CDR2: variants seen among roughly 807,000 people sequenced by gnomAD.
CDR2 encodes cerebellar degeneration related protein 2, also known as cerebellar degeneration-related protein 2.
Under a neutral mutation model 48.4 loss-of-function variants are expected in CDR2, and 34 were observed. The observed-to-expected ratio is 0.70, with a 90% CI of 0.53 to 0.94. CDR2 has a LOEUF of 0.94. Ranked by LOEUF, CDR2 falls within the 40% of genes least tolerant of loss-of-function variation. The pLI, the probability that CDR2 is intolerant of heterozygous loss-of-function variation, is 0.00. For missense variants in CDR2, 498 were observed against 549.5 expected (o/e 0.91, Z 0.94); for synonymous variants, 240 against 219.7 (o/e 1.09, Z -0.82).
intron 1 of CDR2, among the ~76,000 whole-genome samples, chr16:22,371,473 A>C (rs1048652733): frequency 3.3e-5 from 5 of 152,228 alleles, no homozygotes; most frequent in Non-Finnish European, 4.4e-5. Context: ...TTCCTGGAAC[A>C]TTCACTCTAT....
chr16:22,373,476 T>G (rs1316387770), intron 1 of CDR2, among the ~76,000 whole-genome samples: 1 of 152,190 alleles, frequency 6.6e-6, no homozygotes, highest in Non-Finnish European at 1.5e-5. Context: ...CTTCTGAGTG[T>G]GTGGGTTCAA....
At chr16:22,352,325 A>C (rs1200394258) in intron 2 of CDR2, among the ~76,000 whole-genome samples, 1 of 152,096 alleles carries the variant, frequency 6.6e-6, no homozygotes, top group Admixed American at 6.5e-5. Flanking sequence ...CAATGGGCTA[A>C]ATGACACTCA....
Position 22,349,697 on chromosome 16 carries a change from T to C in CDR2, c.341+4A>G. ...CCTTCCTTGTCAGATTCTAGAAAAT[T>C]TACCTCAGAATCTTTTGCTGTGAGG... On this transcript the variant is annotated splice_donor_region_variant and intron_variant, in intron 3 of 4. Transcript: ENST00000268383. 1 of 1,613,682 alleles carries C rather than the reference T, an allele frequency of 6.2e-7. No individual in the cohort carries two copies. Among genetic ancestry groups the C allele is most frequent in the Non-Finnish European group, 8.5e-7 (1 of 1,179,784 alleles).
chr16:22,347,782 G>A lies in CDR2; in HGVS notation c.548C>T (p.Ser183Phe). 1 of 1,613,834 alleles carries A rather than the reference G, an allele frequency of 6.2e-7. No individual in the cohort carries two copies. Among genetic ancestry groups the A allele is most frequent in the Non-Finnish European group, 8.5e-7 (1 of 1,180,002 alleles). ...YDHVFAEKIT[S>F]LQGQPSPDEE... ...ATCAGGGCTTGGCTGACCTTGCAAG[G>A]AAGTGATCTTCTCAGCGAACACATG... The change falls in exon 5 of 5, where the codon TCC (serine) becomes TTC (phenylalanine). Residue 183 changes from serine to phenylalanine, a missense_variant. Ser to Phe is a radical substitution (Grantham distance 155). Transcript: ENST00000268383.
intron 2 of CDR2, among the ~76,000 whole-genome samples, chr16:22,356,562 G>A (rs1567345955): frequency 6.6e-6 from 1 of 152,148 alleles, no homozygotes. Flanking sequence ...AGACCAGCCT[G>A]GCCAACATGG....
intron 2 of CDR2, among the ~76,000 whole-genome samples, chr16:22,350,600 C>A (rs143608335): frequency 1.3e-5 from 2 of 152,210 alleles, no homozygotes; most frequent in East Asian, 3.9e-4. Context: ...TACCACAATA[C>A]CATATGTTTA....
At position 22,346,615 on chromosome 16, in the gene CDR2, G is replaced by A. The variant is rs2048906473; in HGVS notation, c.*350C>T. 4.4e-6 allele frequency: 1 copy of A among 225,162 alleles called. No individual in the cohort carries two copies. Among genetic ancestry groups the A allele is most frequent in the African/African-American group, 2.3e-5 (1 of 44,202 alleles). 13.9% of individuals were successfully genotyped at this position (225,162 alleles called of 1,614,324 possible). On this transcript the variant is annotated 3_prime_UTR_variant, in exon 5 of 5. Coordinates refer to ENST00000268383, the MANE Select transcript of CDR2 (RefSeq NM_001802.2). ...CAAGGAAGCAATAGGAATTGCCTTA[G>A]CTTTGTTCTAACTCGACCCTTTTCC...
intron 1 of CDR2, among the ~76,000 whole-genome samples, chr16:22,371,732 T>C (rs1258592169): frequency 6.6e-6 from 1 of 152,224 alleles, no homozygotes; most frequent in East Asian, 1.9e-4. Context: ...TCACATCTTC[T>C]ACTCGTACTC....
intron 1 of CDR2, among the ~76,000 whole-genome samples, chr16:22,367,598 C>T (rs573959291): frequency 6.6e-6 from 1 of 152,220 alleles, no homozygotes; most frequent in East Asian, 1.9e-4. Flanking sequence ...CAAGGAAACT[C>T]ACTACATAAT....
chr16:22,368,834 G>A (rs763452439), intron 1 of CDR2: 1 of 152,214 alleles, frequency 6.6e-6, no homozygotes, highest in Non-Finnish European at 1.5e-5. Context: ...AGAAATTAGA[G>A]TTCAACTATT....
At chr16:22,370,606 T>A (rs1567350905) in intron 1 of CDR2, among the ~76,000 whole-genome samples, 1 of 152,156 alleles carries the variant, frequency 6.6e-6, no homozygotes, top group Non-Finnish European at 1.5e-5. Context: ...GAAAAGATCT[T>A]ACCCACAGAG....
rs1737261034 is a variant in CDR2, at chr16:22,374,429, C to A, written c.-120G>T. On this transcript the variant is annotated 5_prime_UTR_variant, in exon 1 of 5. Transcript: ENST00000268383. The stretch of plus-strand genomic sequence containing the variant: ...GCCGCCCTCGGGCGGGACGCGCCGC[C>A]GCCCAGACTCCGCTGCGCCGCCTCA... The A allele has an allele frequency of 2.3e-6, 1 of 443,248 alleles. No individual in the cohort carries two copies. The highest frequency in any genetic ancestry group is 3.7e-6 in the Non-Finnish European group (1 of 270,844). The allele number at this position is 443,248 out of a possible 1,614,324, so 27.5% of individuals were successfully genotyped here.
intron 1 of CDR2, 99 bp downstream of exon 1, chr16:22,374,132 G>T (rs2049100192): frequency 2.7e-6 from 2 of 749,746 alleles, no homozygotes; most frequent in South Asian, 1.6e-5. Context: ...CCCGGCACCT[G>T]CATCCTCCGC....
chr16:22,366,781 C>G (rs1296374286), intron 1 of CDR2, among the ~76,000 whole-genome samples: 4 of 152,092 alleles, frequency 2.6e-5, no homozygotes, highest in African/African-American at 9.7e-5. Flanking sequence ...ACTCCGGCTG[C>G]TGTTATACAG....
intron 2 of CDR2, among the ~76,000 whole-genome samples, chr16:22,364,394 A>G (rs886303807): frequency 6.6e-6 from 1 of 151,284 alleles, no homozygotes; most frequent in Admixed American, 6.6e-5. Context: ...TTTTTTTTCA[A>G]ATTTAGGATA....
intron 2 of CDR2, among the ~76,000 whole-genome samples, chr16:22,359,714 C>A (rs909575213): frequency 1.4e-4 from 22 of 152,174 alleles, no homozygotes. Flanking sequence ...AAACCTGAAT[C>A]TCCTAAAACA....
At chr16:22,361,724 GTAAT>G (rs2049011477) in intron 2 of CDR2, among the ~76,000 whole-genome samples, 1 of 152,096 alleles carries the variant, frequency 6.6e-6, no homozygotes, top group Non-Finnish European at 1.5e-5. Context: ...ACCTAAGAGA[GTAAT>G]TATTCTTAGC....
chr16:22,354,236 T>C (rs540925694), intron 2 of CDR2, among the ~76,000 whole-genome samples: 1 of 152,304 alleles, frequency 6.6e-6, no homozygotes, highest in East Asian at 1.9e-4. Context: ...GAAATGTTGA[T>C]CTTGGACATG....
intron 2 of CDR2, among the ~76,000 whole-genome samples, chr16:22,363,546 C>T (rs931881835): frequency 2.0e-5 from 3 of 152,156 alleles, no homozygotes; most frequent in Non-Finnish European, 2.9e-5. Flanking sequence ...TGTAATTCTC[C>T]GCTTGTTTGA....
Sources: gnomAD v4.1 joint callset for allele counts (sites outside exome capture counted in the v4.1 genomes callset) on GRCh38, gnomAD v4.1.1 for gene constraint, MANE v1.5 for transcripts, NCBI Gene and HGNC (gene_info 2026-07-23, HGNC 2026-07-21) for gene names.